The following PRKN variants were observed in gnomAD, a reference collection of about 807,000 sequenced individuals.
The protein encoded by PRKN is E3 ubiquitin-protein ligase parkin.
PRKN carries 56 observed loss-of-function variants against 59.5 expected under a neutral mutation model. The ratio of observed to expected loss-of-function variants is 0.94; its 90% CI spans 0.76 to 1.18. PRKN has a LOEUF of 1.18. PRKN is among the 50% of genes most tolerant of loss of function. The pLI is 0.00. For synonymous variants in PRKN, 250 were observed against 222.1 expected (o/e 1.13, Z -1.12); for missense variants, 657 against 596.4 (o/e 1.10, Z -1.06).
chr6:162,041,425 T>C (rs1784065165), intron 5 of PRKN, among the ~76,000 whole-genome samples: 1 of 152,198 alleles, frequency 6.6e-6, no homozygotes, highest in Non-Finnish European at 1.5e-5. Context: ...CACTATTTGA[T>C]GGAGAGAGTA....
At chr6:162,100,857 C>G (rs1168264698) in intron 4 of PRKN, among the ~76,000 whole-genome samples, 1 of 151,986 alleles carries the variant, frequency 6.6e-6, no homozygotes, top group Admixed American at 6.6e-5. Flanking sequence ...TTTCATATAC[C>G]TGTTGGCCAT....
chr6:162,557,751 C>T (rs1201089112), intron 1 of PRKN, among the ~76,000 whole-genome samples: 3 of 152,184 alleles, frequency 2.0e-5, no homozygotes, highest in Admixed American at 6.5e-5. Flanking sequence ...CTCAAGTGAT[C>T]CACCTGCCTC....
At chr6:161,856,224 A>C (rs1393568845) in intron 6 of PRKN, among the ~76,000 whole-genome samples, 1 of 152,054 alleles carries the variant, frequency 6.6e-6, no homozygotes, top group Non-Finnish European at 1.5e-5. Context: ...GCCAGGCATG[A>C]GGGCGGGCAC....
At chr6:161,759,175 A>G (rs1453643095) in intron 7 of PRKN, among the ~76,000 whole-genome samples, 1 of 31,796 alleles carries the variant, frequency 3.1e-5, no homozygotes. Flanking sequence ...GACTGTTTAA[A>G]AAAAAAAAAA....
chr6:162,315,162 A>G (rs537085207), intron 2 of PRKN, among the ~76,000 whole-genome samples: 6 of 152,272 alleles, frequency 3.9e-5, no homozygotes, highest in African/African-American at 1.4e-4. Flanking sequence ...TGAAGTGTGT[A>G]TAATTGTTCT....
chr6:161,937,670 T>C (rs980569522), intron 6 of PRKN, among the ~76,000 whole-genome samples: 1 of 152,218 alleles, frequency 6.6e-6, no homozygotes, highest in Non-Finnish European at 1.5e-5. Flanking sequence ...GAACTCTTTT[T>C]AGTGAAATCA....
chr6:162,507,636 A>C (rs976499168), intron 1 of PRKN, among the ~76,000 whole-genome samples: 4 of 152,194 alleles, frequency 2.6e-5, no homozygotes, highest in Admixed American at 6.5e-5. Context: ...GAACACATTT[A>C]CAAGGTATGT....
chr6:162,387,476 TAAG>T (rs1176192454), intron 2 of PRKN, among the ~76,000 whole-genome samples: 5 of 148,310 alleles, frequency 3.4e-5, no homozygotes, highest in African/African-American at 7.5e-5. Context: ...TTATTGAAGT[TAAG>T]AAGAAAATAA....
chr6:161,722,206 G>A (rs911638795), intron 7 of PRKN, among the ~76,000 whole-genome samples: 1 of 151,718 alleles, frequency 6.6e-6, no homozygotes, highest in Non-Finnish European at 1.5e-5. Context: ...GAAAATTCGG[G>A]GGGAAAAGCA....
At chr6:162,201,029 C>A (rs918947845) in intron 4 of PRKN, 102 bp downstream of exon 4, 1 of 1,307,678 alleles carries the variant, frequency 7.6e-7, no homozygotes, top group Non-Finnish European at 1.1e-6. Flanking sequence ...AATGTCTTTT[C>A]TTTTCAAAGA....
At chr6:161,394,796 T>C (rs1786678399) in intron 9 of PRKN, among the ~76,000 whole-genome samples, 2 of 152,160 alleles carry the variant, frequency 1.3e-5, no homozygotes, top group Admixed American at 6.5e-5. Flanking sequence ...AGATCCATGA[T>C]AAGGTGGTCC....
At chr6:162,149,454 G>C (rs886908933) in intron 4 of PRKN, among the ~76,000 whole-genome samples, 2 of 152,036 alleles carry the variant, frequency 1.3e-5, no homozygotes, top group East Asian at 3.9e-4. Context: ...GTGTTCGCCA[G>C]GCTGGTCTCA....
chr6:161,408,355 G>A (rs1234236850), intron 9 of PRKN, among the ~76,000 whole-genome samples: 4 of 148,296 alleles, frequency 2.7e-5, no homozygotes, highest in South Asian at 4.2e-4. Context: ...GCATAAACTC[G>A]TCTCTGTTAA....
At chr6:162,518,656 A>G (rs1177721856) in intron 1 of PRKN, among the ~76,000 whole-genome samples, 2 of 152,190 alleles carry the variant, frequency 1.3e-5, no homozygotes, top group African/African-American at 4.8e-5. Context: ...AGGGAGCCAC[A>G]ATACCCGGCC....
At chr6:162,217,205 A>G in intron 3 of PRKN, among the ~76,000 whole-genome samples, 1 of 152,120 alleles carries the variant, frequency 6.6e-6, no homozygotes, top group East Asian at 1.9e-4. Context: ...AGGCCCAATC[A>G]TTTGTTCCCC....
At chr6:162,332,979 G>T (rs1783655995) in intron 2 of PRKN, among the ~76,000 whole-genome samples, 1 of 152,070 alleles carries the variant, frequency 6.6e-6, no homozygotes, top group Non-Finnish European at 1.5e-5. Flanking sequence ...GGCTCTACAT[G>T]CTGCTATTTG....
intron 7 of PRKN, among the ~76,000 whole-genome samples, chr6:161,570,494 C>A (rs1303392561): frequency 6.6e-6 from 1 of 151,566 alleles, no homozygotes; most frequent in South Asian, 2.1e-4. Context: ...GCAGGACCAA[C>A]CCTTCCCCCT....
chr6:162,715,145 A>C (rs1778675841), intron 1 of PRKN, among the ~76,000 whole-genome samples: 1 of 152,104 alleles, frequency 6.6e-6, no homozygotes, highest in African/African-American at 2.4e-5. Flanking sequence ...TCAACACCTG[A>C]TGGGATTCTG....
intron 1 of PRKN, among the ~76,000 whole-genome samples, chr6:162,477,061 G>A (rs1423824525): frequency 6.6e-6 from 1 of 152,120 alleles, no homozygotes; most frequent in Non-Finnish European, 1.5e-5. Flanking sequence ...CCAGTATTGT[G>A]CTCAATGAAG....
Sources: gnomAD v4.1 joint callset for allele counts (sites outside exome capture counted in the v4.1 genomes callset) on GRCh38, gnomAD v4.1.1 for gene constraint, MANE v1.5 for transcripts, NCBI Gene and HGNC (gene_info 2026-07-23, HGNC 2026-07-21) for gene names.